The following PKD1L1 variants were observed in gnomAD, a reference collection of about 807,000 sequenced individuals.
PKD1L1 encodes the protein polycystin 1 like 1, transient receptor potential channel interacting, also known as polycystin-1-like protein 1.
Under a neutral mutation model 323.4 loss-of-function variants are expected in PKD1L1, and 236 were observed. The observed-to-expected ratio is 0.73, with a 90% CI of 0.66 to 0.81. The LOEUF is 0.81. PKD1L1 is among the 40% of genes least tolerant of loss of function. The pLI, the probability that PKD1L1 is intolerant of heterozygous loss-of-function variation, is 0.00. For missense variants in PKD1L1, 3,320 were observed against 3,508.0 expected (o/e 0.95, Z 1.35); for synonymous variants, 1,344 against 1,335.0 (o/e 1.01, Z -0.15).
chr7:47,834,132 C>T (rs1785406291), intron 40 of PKD1L1, among the ~76,000 whole-genome samples: 1 of 85,990 alleles, frequency 1.2e-5, no homozygotes, highest in Non-Finnish European at 2.3e-5. Flanking sequence ...GTTGCCATGG[C>T]ATGTGTCCTG....
chr7:47,872,994 A>G (rs1382015585), intron 24 of PKD1L1, among the ~76,000 whole-genome samples: 1 of 152,248 alleles, frequency 6.6e-6, no homozygotes, highest in East Asian at 1.9e-4. Context: ...AAAAGAATGA[A>G]GTACTAATAT....
chr7:47,775,158 G>T lies in PKD1L1; in HGVS notation c.8535C>A (p.Asp2845Glu). The change falls in exon 57 of 57, where the codon GAC becomes GAA. Residue 2845 changes from aspartate (D) to glutamate (E), a missense_variant. Asp to Glu is a conservative substitution (Grantham distance 45, BLOSUM62 2). Coordinates refer to ENST00000289672, the MANE Select transcript of PKD1L1 (RefSeq NM_138295.5). Reference sequence around the variant, plus strand: ...ACCAGGCTCCTCAGAAGTCCTTGATGTCTGCTGGCTAAAAAGAAAAAATGA... The same window carrying T: ...ACCAGGCTCCTCAGAAGTCCTTGATTTCTGCTGGCTAAAAAGAAAAAATGA... ...ISSYQAAEPA[D>E]IKDF 1 of 1,614,018 alleles carries T rather than the reference G, an allele frequency of 6.2e-7. No individual in the cohort carries two copies. Among genetic ancestry groups the T allele is most frequent in the African/African-American group, 1.3e-5 (1 of 75,046 alleles).
chr7:47,893,824 T>C, intron 15 of PKD1L1, 54 bp downstream of exon 15: 1 of 1,552,268 alleles, frequency 6.4e-7, no homozygotes, highest in Non-Finnish European at 8.8e-7. Context: ...AGCCTGCATT[T>C]GCAGAATGCG....
chr7:47,908,436 C>G (rs112323368), intron 8 of PKD1L1, among the ~76,000 whole-genome samples, 186 bp from the exon 9 acceptor site: 38 of 152,308 alleles, frequency 2.5e-4, no homozygotes, highest in African/African-American at 8.9e-4. Context: ...GCACAGAGCC[C>G]CTCACGCAAT....
chr7:47,936,670 C>A (rs1457552321), intron 4 of PKD1L1, among the ~76,000 whole-genome samples, 176 bp downstream of exon 4: 2 of 152,214 alleles, frequency 1.3e-5, no homozygotes, highest in Non-Finnish European at 2.9e-5. Flanking sequence ...TCTACTCCTG[C>A]AAATTAACTT....
rs80315095 is a variant in PKD1L1 at position 47,946,222 on chromosome 7, G to A, written c.44+2175C>T. 0.035 allele frequency among the ~76,000 whole-genome samples: 5,336 copies of A among 152,164 alleles called. 308 individuals carry two copies. The highest frequency in any genetic ancestry group is 0.12 in the African/African-American group (4,985 of 41,458). On this transcript the variant is annotated intron_variant, in intron 1 of 56. Coordinates refer to ENST00000289672, the MANE Select transcript of PKD1L1 (RefSeq NM_138295.5). This position sits in a 1 kb window ranked among gnomAD's most constrained non-coding sequence, Gnocchi z 4.1. ...GTCTCTGAGGCATCATGTGCCTCAA[G>A]GGAACTAGTCGAGCCATTTGTTTGA...
At chr7:47,838,918 T>C (rs76701636) in intron 36 of PKD1L1, among the ~76,000 whole-genome samples, 1 of 149,664 alleles carries the variant, frequency 6.7e-6, no homozygotes, top group East Asian at 1.9e-4. Flanking sequence ...GCAAAATGCA[T>C]GACATTATCA....
intron 54 of PKD1L1, among the ~76,000 whole-genome samples, chr7:47,800,236 C>G (rs953221156): frequency 1.3e-5 from 2 of 152,172 alleles, no homozygotes; most frequent in East Asian, 3.9e-4. Flanking sequence ...CAGCCGCTAG[C>G]CTGGAGAACA....
intron 31 of PKD1L1, among the ~76,000 whole-genome samples, chr7:47,852,699 G>A (rs915865850): frequency 2.0e-5 from 3 of 150,952 alleles, no homozygotes; most frequent in African/African-American, 7.5e-5. Context: ...CTGCTTCAGA[G>A]GGGGTCCTGT....
intron 54 of PKD1L1, 46 bp downstream of exon 54, chr7:47,800,603 A>C: frequency 6.3e-7 from 1 of 1,588,852 alleles, no homozygotes; most frequent in Middle Eastern, 1.7e-4. Flanking sequence ...CAGCAAATGA[A>C]ACTTTTACAA....
At chr7:47,829,376 A>G in intron 44 of PKD1L1, 49 bp downstream of exon 44, 1 of 1,502,342 alleles carries the variant, frequency 6.7e-7, no homozygotes, top group Non-Finnish European at 9.0e-7. Context: ...ATAGAATATA[A>G]AGTAGTTTTT....
intron 3 of PKD1L1, among the ~76,000 whole-genome samples, chr7:47,938,478 G>T (rs1301391036): frequency 6.6e-6 from 1 of 152,140 alleles, no homozygotes; most frequent in Non-Finnish European, 1.5e-5. Flanking sequence ...CCCCTAAAAG[G>T]CATGGTGCTA....
intron 3 of PKD1L1, among the ~76,000 whole-genome samples, chr7:47,937,618 G>C (rs1381757278): frequency 6.6e-6 from 1 of 152,168 alleles, no homozygotes; most frequent in Non-Finnish European, 1.5e-5. Flanking sequence ...GTGGCAGCAG[G>C]GGATCCACTC....
At chr7:47,804,597 G>A (rs751813799) in intron 52 of PKD1L1, among the ~76,000 whole-genome samples, 6 of 151,036 alleles carry the variant, frequency 4.0e-5, no homozygotes, top group Non-Finnish European at 8.8e-5. Flanking sequence ...AGCCTACCGA[G>A]TAGCTGGGGC....
chr7:47,908,941 A>G (rs539480356), intron 8 of PKD1L1, among the ~76,000 whole-genome samples: 1 of 152,298 alleles, frequency 6.6e-6, no homozygotes, highest in East Asian at 1.9e-4. Flanking sequence ...TGAGATACAC[A>G]TGACTGAGTC....
At position 47,890,645 on chromosome 7, in the gene PKD1L1, C is replaced by T. The variant is rs770256483; in HGVS notation, c.2572G>A (p.Asp858Asn). The T allele has an allele frequency of 1.9e-6, 3 of 1,614,156 alleles. No homozygotes were observed. Among genetic ancestry groups the T allele is most frequent in the Admixed American group, 1.7e-5 (1 of 60,018 alleles). ...TVSFEAQWLSDSYDQFLVMLR... is the reference protein window; with the variant it reads ...TVSFEAQWLSNSYDQFLVMLR... Reference sequence around the variant, plus strand: ...ATCACAAGGAACTGATCATAGCTGTCACTGAGCCATTGTGCCTCAAAGGAA... The same window carrying T: ...ATCACAAGGAACTGATCATAGCTGTTACTGAGCCATTGTGCCTCAAAGGAA... The change falls in exon 16 of 57, where the codon GAC becomes AAC. Residue 858 changes from aspartate to asparagine, a missense_variant. Physicochemically the swap from Asp to Asn is conservative, Grantham distance 23. Transcript: ENST00000289672.
intron 26 of PKD1L1, among the ~76,000 whole-genome samples, chr7:47,864,604 CTTT>C (rs1786111832): frequency 9.5e-5 from 10 of 105,600 alleles, no homozygotes; most frequent in African/African-American, 4.7e-4. Flanking sequence ...TTCTTTCTTT[CTTT>C]CTTTCTTTCT....
At chr7:47,814,433 GC>G (rs1202479980) in intron 47 of PKD1L1, among the ~76,000 whole-genome samples, 1 of 152,228 alleles carries the variant, frequency 6.6e-6, no homozygotes, top group East Asian at 1.9e-4. Flanking sequence ...AGGCTGGAGT[GC>G]AGTGGTGTGA....
intron 24 of PKD1L1, among the ~76,000 whole-genome samples, chr7:47,867,800 T>C (rs955542569): frequency 6.6e-6 from 1 of 152,032 alleles, no homozygotes; most frequent in Admixed American, 6.6e-5. Context: ...CAAATGGAAA[T>C]TATGAAGTTA....
Sources: allele counts gnomAD v4.1 joint callset (sites outside exome capture counted in the v4.1 genomes callset), GRCh38; gene constraint gnomAD v4.1.1; non-coding constraint Gnocchi (gnomAD v3.1); transcripts MANE v1.5; gene names NCBI Gene and HGNC (gene_info 2026-07-23, HGNC 2026-07-21).